The following PPEF1 variants were observed in gnomAD, a reference collection of about 807,000 sequenced individuals.
PPEF1 encodes serine/threonine-protein phosphatase with EF-hands 1.
A neutral mutation model predicts 53.3 loss-of-function variants in PPEF1; 12 were observed. The observed-to-expected ratio is 0.23, with a 90% confidence interval of 0.14 to 0.36. PPEF1 has a LOEUF of 0.36. Among genes scored for constraint, PPEF1 ranks in the 10% least tolerant of loss-of-function variants. The pLI is 1.00. For missense variants in PPEF1, 334 were observed against 490.4 expected (o/e 0.68, Z 3.01); for synonymous variants, 165 against 176.7 (o/e 0.93, Z 0.52).
chrX:18,701,052 A>T (rs1352609356), intron 6 of PPEF1, among the ~76,000 whole-genome samples: 2 of 111,252 alleles, frequency 1.8e-5, no homozygotes, highest in Non-Finnish European at 3.8e-5. Context: ...GTGTTATTTG[A>T]GTCTCAGTTT....
intron 9 of PPEF1, among the ~76,000 whole-genome samples, chrX:18,788,515 A>G (rs2046265390): frequency 9.1e-6 from 1 of 110,474 alleles, no homozygotes. Flanking sequence ...TATCAGAAAG[A>G]CGTTTTGTTT....
At chrX:18,680,937 G>C (rs1246505972), upstream of PPEF1, among the ~76,000 whole-genome samples, 2 of 110,833 alleles carry the variant, frequency 1.8e-5, no homozygotes, top group African/African-American at 6.6e-5. Context: ...CCCTACAAAG[G>C]ACATGAACTC....
At chrX:18,705,267 G>T (rs899511270), upstream of PPEF1, among the ~76,000 whole-genome samples, 2 of 112,162 alleles carry the variant, frequency 1.8e-5, no homozygotes, top group Middle Eastern at 4.2e-3. Flanking sequence ...GAACAAATGT[G>T]CTCAGCGAGT....
At chrX:18,755,979 G>A (rs1330178461) in intron 4 of PPEF1, among the ~76,000 whole-genome samples, 1 of 110,745 alleles carries the variant, frequency 9.0e-6, no homozygotes, top group Non-Finnish European at 1.9e-5. Flanking sequence ...ATTCATCTGT[G>A]GTTATATTGA....
At chrX:18,790,824 C>A in intron 10 of PPEF1, among the ~76,000 whole-genome samples, 1 of 109,573 alleles carries the variant, frequency 9.1e-6, no homozygotes, top group Non-Finnish European at 1.9e-5. Context: ...GCATGCATTA[C>A]CACGCCTGGC....
At position 18,779,308 on chromosome X, in the gene PPEF1, A is replaced by G. The variant is rs185073171; in HGVS notation, c.725+132A>G. 2.4e-4 allele frequency: 139 copies of G among 581,996 alleles called. No individual in the cohort carries two copies. In the East Asian group the frequency reaches 4.1e-3, roughly 17 times the overall value. The allele number at this position is 581,996 out of a possible 1,213,427, so 48.0% of individuals were successfully genotyped here. A position where few individuals can be genotyped will look rare whatever the true frequency, so the allele number is the denominator to read the frequency against. On this transcript the variant is annotated intron_variant, in intron 7 of 15. Coordinates refer to ENST00000470157, the MANE Select transcript of PPEF1 (RefSeq NM_001377996.1). ...GAGGGGGATCTCAAGGAGGACTTCA[A>G]TTCTTACCCCTTTCACCACCCCCAT...
At chrX:18,760,955 A>G (rs1374940615) in intron 5 of PPEF1, among the ~76,000 whole-genome samples, 4 of 109,716 alleles carry the variant, frequency 3.6e-5, no homozygotes, top group Middle Eastern at 4.7e-3. Flanking sequence ...TAATTTTTGT[A>G]TTTTTAGTAG....
At chrX:18,801,923 G>T (rs183480137) in intron 10 of PPEF1, among the ~76,000 whole-genome samples, 1,858 of 105,613 alleles carry the variant, frequency 0.018, 51 homozygotes, top group African/African-American at 0.062. Context: ...GGCGGAGTTT[G>T]CAGTGAGCCG....
At chrX:18,824,117 A>G (rs370902488) in intron 14 of PPEF1, 31 bp downstream of exon 14, 72 of 1,149,164 alleles carry the variant, frequency 6.3e-5, no homozygotes, top group Non-Finnish European at 8.0e-5. Flanking sequence ...GCTAAAACCT[A>G]GCCAGGGTGA....
chrX:18,683,126 G>A (rs760083515), intron 1 of PPEF1, among the ~76,000 whole-genome samples: 217 of 111,493 alleles, frequency 1.9e-3, no homozygotes, highest in African/African-American at 6.2e-3. Context: ...CTCCCCTCCG[G>A]GTCCCTCCCA....
At chrX:18,775,343 C>T (rs919881071) in intron 6 of PPEF1, among the ~76,000 whole-genome samples, 5 of 107,229 alleles carry the variant, frequency 4.7e-5, no homozygotes, top group Non-Finnish European at 9.6e-5. Context: ...TCAGCTTCAC[C>T]CTCCCGAGTA....
chrX:18,711,995 G>A (rs12007483), intron 1 of PPEF1, among the ~76,000 whole-genome samples: 4,710 of 111,195 alleles, frequency 0.042, 254 homozygotes, highest in African/African-American at 0.14. Context: ...CTTGTGATCC[G>A]CCCGCCTTGG....
At chrX:18,793,632 G>T (rs751922811) in intron 10 of PPEF1, among the ~76,000 whole-genome samples, 73 of 110,340 alleles carry the variant, frequency 6.6e-4, no homozygotes, top group Non-Finnish European at 1.2e-3. Context: ...ATCTTTGTCT[G>T]CTAAGTCGAC....
intron 3 of PPEF1, among the ~76,000 whole-genome samples, chrX:18,735,452 AT>A (rs1263771240): frequency 9.0e-6 from 1 of 111,228 alleles, no homozygotes; most frequent in African/African-American, 3.3e-5. Context: ...GTGTGGTATT[AT>A]TTCTGAGGAC....
intron 6 of PPEF1, among the ~76,000 whole-genome samples, chrX:18,778,317 A>G (rs1000883438): frequency 2.7e-5 from 3 of 111,405 alleles, no homozygotes; most frequent in African/African-American, 9.8e-5. Context: ...GCTGCTTTTC[A>G]TGCTAACACT....
chrX:18,718,689 A>G (rs2044515524), intron 1 of PPEF1, among the ~76,000 whole-genome samples: 1 of 112,460 alleles, frequency 8.9e-6, no homozygotes, highest in African/African-American at 3.2e-5. Context: ...TTCCAGCTTT[A>G]CTAGGAAATT....
At chrX:18,777,592 T>C (rs1010748046) in intron 6 of PPEF1, among the ~76,000 whole-genome samples, 1 of 110,451 alleles carries the variant, frequency 9.1e-6, no homozygotes, top group Admixed American at 9.6e-5. Flanking sequence ...CGATCTCCGC[T>C]CACTGCCAGC....
chrX:18,778,950 C>A (rs1429561072), intron 6 of PPEF1, 60 bp from the exon 7 acceptor site: 14 of 1,052,416 alleles, frequency 1.3e-5, no homozygotes, highest in Non-Finnish European at 1.7e-5. Flanking sequence ...ATGTACACGG[C>A]CTGACTTTAA....
chrX:18,778,470 C>G (rs1337350388), intron 6 of PPEF1, among the ~76,000 whole-genome samples: 1 of 111,399 alleles, frequency 9.0e-6, no homozygotes, highest in East Asian at 2.8e-4. Flanking sequence ...CCGAGCTGCT[C>G]AGTCACATCA....
Sources: allele counts gnomAD v4.1 joint callset (sites outside exome capture counted in the v4.1 genomes callset), GRCh38; gene constraint gnomAD v4.1.1; transcripts MANE v1.5; gene names NCBI Gene and HGNC (gene_info 2026-07-23, HGNC 2026-07-21).